Variants in SMPDL3A observed in about 807,000 individuals in gnomAD.
SMPDL3A encodes cyclic GMP-AMP phosphodiesterase SMPDL3A.
A neutral mutation model predicts 38.5 loss-of-function variants in SMPDL3A; 39 were observed. That is an observed-to-expected ratio of 1.01 (90% CI 0.78 to 1.32). The LOEUF (loss-of-function observed/expected upper bound fraction) is 1.32, where lower values mean the gene tolerates loss of function less well. Among genes scored for constraint, SMPDL3A ranks in the 40% most tolerant of loss-of-function variants. The pLI, the probability that SMPDL3A is intolerant of heterozygous loss-of-function variation, is 0.00. For synonymous variants in SMPDL3A, 180 were observed against 194.3 expected (o/e 0.93, Z 0.61); for missense variants, 502 against 536.2 (o/e 0.94, Z 0.63).
Position 122,809,119 on chromosome 6 carries a change from CAG to C in SMPDL3A, c.1076_1077del (p.Glu359GlyfsTer22), listed in dbSNP as rs1257835437. The C allele has an allele frequency of 1.2e-6, 2 of 1,613,926 alleles. No individual in the cohort carries two copies. The highest frequency in any genetic ancestry group is 3.3e-5 in the Admixed American group (2 of 59,996). On this transcript the variant is annotated frameshift_variant, in exon 8 of 8. Transcript: ENST00000368440. LOFTEE classifies it low-confidence loss of function (END_TRUNC). ...ATGTTGCAGTATTACTTGAATCTGA[CAG>C]AGGCGAATCTAAAGGGAGAGTCCAT...
intron 1 of SMPDL3A, 132 bp downstream of exon 1, chr6:122,789,590 G>A: frequency 1.1e-6 from 1 of 887,082 alleles, no homozygotes; most frequent in Non-Finnish European, 1.7e-6. Flanking sequence ...CCCCTGACGC[G>A]TCCGGCGTTG....
chr6:122,789,553 C>A, intron 1 of SMPDL3A, 95 bp downstream of exon 1: 2 of 1,149,502 alleles, frequency 1.7e-6, no homozygotes, highest in Admixed American at 2.2e-5. Context: ...GGGCAGCTGC[C>A]CCCGGCAGAG....
intron 4 of SMPDL3A, 142 bp downstream of exon 4, chr6:122,801,548 G>A (rs1781430331): frequency 1.6e-6 from 1 of 639,560 alleles, no homozygotes; most frequent in South Asian, 1.9e-5. Flanking sequence ...TAGTAATGCT[G>A]CCTGTGACAC....
chr6:122,809,550 C>G lies in SMPDL3A; in HGVS notation c.*142C>G. 1 of 608,098 alleles carries G rather than the reference C, an allele frequency of 1.6e-6. No homozygotes were observed. Among genetic ancestry groups the G allele is most frequent in the Non-Finnish European group, 2.9e-6 (1 of 346,778 alleles). 37.7% of individuals were successfully genotyped at this position (608,098 alleles called of 1,614,324 possible). On this transcript the variant is annotated 3_prime_UTR_variant, in exon 8 of 8. Coordinates refer to ENST00000368440, the MANE Select transcript of SMPDL3A (RefSeq NM_006714.5). ...TTTCTTTTTTTTTTTCTTTTTGATGCCTTAATGTAGATATCTTTATCATTC... is the reference window on the plus strand; with the variant it reads ...TTTCTTTTTTTTTTTCTTTTTGATGGCTTAATGTAGATATCTTTATCATTC...
chr6:122,806,447 T>A, intron 7 of SMPDL3A, 90 bp downstream of exon 7: 1 of 1,304,182 alleles, frequency 7.7e-7, no homozygotes, highest in Non-Finnish European at 1.1e-6. Flanking sequence ...AGGACAGTCA[T>A]GTGAGATGTA....
At chr6:122,799,393 C>T (rs1175267270) in intron 3 of SMPDL3A, among the ~76,000 whole-genome samples, 5 of 152,198 alleles carry the variant, frequency 3.3e-5, no homozygotes, top group Non-Finnish European at 1.5e-5. Context: ...CTGAGACTGA[C>T]ACCTATCCCT....
intron 4 of SMPDL3A, among the ~76,000 whole-genome samples, chr6:122,802,984 T>C (rs1781475638): frequency 1.3e-5 from 2 of 152,196 alleles, no homozygotes; most frequent in Admixed American, 6.5e-5. Context: ...TAAGGTGTTG[T>C]GACTACAAGA....
At chr6:122,802,195 C>CTTTTTTTTTTTTTTTTTTT (rs3031702) in intron 4 of SMPDL3A, among the ~76,000 whole-genome samples, 1 of 123,562 alleles carries the variant, frequency 8.1e-6, no homozygotes, top group Non-Finnish European at 1.7e-5. Context: ...TATATCTAGT[C>CTTTTTTTTTTTTTTTTTTT]TTTTTTTTTT....
At chr6:122,794,220 T>C (rs1456037042) in intron 1 of SMPDL3A, among the ~76,000 whole-genome samples, 2 of 152,210 alleles carry the variant, frequency 1.3e-5, no homozygotes, top group Non-Finnish European at 2.9e-5. Flanking sequence ...TTTAAATTGC[T>C]TATCACAGTG....
intron 3 of SMPDL3A, among the ~76,000 whole-genome samples, chr6:122,800,156 T>C (rs1194937452): frequency 6.6e-6 from 1 of 151,962 alleles, no homozygotes; most frequent in Admixed American, 6.6e-5. Flanking sequence ...TTTCTTAAAG[T>C]TTTGTTTGTT....
At chr6:122,795,472 A>G (rs1332154238) in intron 1 of SMPDL3A, among the ~76,000 whole-genome samples, 1 of 152,162 alleles carries the variant, frequency 6.6e-6, no homozygotes, top group Non-Finnish European at 1.5e-5. Flanking sequence ...ACACTTAAGT[A>G]GTAAATTGTT....
chr6:122,798,875 A>AT (rs548764287), intron 3 of SMPDL3A, among the ~76,000 whole-genome samples: 1 of 151,720 alleles, frequency 6.6e-6, no homozygotes, highest in Non-Finnish European at 1.5e-5. Flanking sequence ...TTAACAGTTA[A>AT]TTTTTTTTCT....
intron 3 of SMPDL3A, among the ~76,000 whole-genome samples, chr6:122,799,508 C>G (rs565382771): frequency 6.6e-6 from 1 of 152,288 alleles, no homozygotes; most frequent in East Asian, 1.9e-4. Context: ...ATCACCACAC[C>G]ATACTTGGCA....
Position 122,806,366 on chromosome 6 carries a change from G to A in SMPDL3A, c.1044+9G>A. On this transcript the variant is annotated intron_variant, in intron 7 of 7. Coordinates refer to ENST00000368440, the MANE Select transcript of SMPDL3A (RefSeq NM_006714.5). ...GTGATTATAAATTATTGGTAAGTTG[G>A]CAGATTTCAGAGCTGACCCCATATT... 1 of 1,597,360 alleles carries A rather than the reference G, an allele frequency of 6.3e-7. No individual in the cohort carries two copies. The highest frequency in any genetic ancestry group is 8.5e-7 in the Non-Finnish European group (1 of 1,170,116).
At chr6:122,802,390 T>A (rs1311753592) in intron 4 of SMPDL3A, among the ~76,000 whole-genome samples, 3 of 151,882 alleles carry the variant, frequency 2.0e-5, no homozygotes, top group Non-Finnish European at 4.4e-5. Context: ...TTAGTAGAGA[T>A]AGGGTTTCAC....
Position 122,809,348 on chromosome 6 carries a change from T to C in SMPDL3A, c.1302T>C (p.Asn434=), listed in dbSNP as rs1424266044. ...CKAFQICAIM[N]LDNISYADCL... ...CCTTTCAGATTTGTGCAATTATGAA[T>C]CTTGATAATATTTCCTATGCAGATT... Residue 434 remains asparagine, a synonymous_variant, in exon 8 of 8, where the codon AAT becomes AAC. Transcript: ENST00000368440. The C allele has an allele frequency of 3.1e-6, 5 of 1,613,976 alleles. No homozygotes were observed. The highest frequency in any genetic ancestry group is 4.2e-6 in the Non-Finnish European group (5 of 1,179,874).
At chr6:122,790,043 G>A (rs1027068825) in intron 1 of SMPDL3A, 4 of 172,922 alleles carry the variant, frequency 2.3e-5, no homozygotes, top group South Asian at 1.9e-4. Flanking sequence ...TGGAACTCAC[G>A]GGGACTTCAT....
chr6:122,790,289 A>AT (rs1781035812), intron 1 of SMPDL3A, among the ~76,000 whole-genome samples: 2 of 152,186 alleles, frequency 1.3e-5, no homozygotes, highest in African/African-American at 4.8e-5. Flanking sequence ...CCTCCGCATG[A>AT]TTCCTTTCGG....
chr6:122,790,595 A>G (rs1428215992), intron 1 of SMPDL3A, among the ~76,000 whole-genome samples: 2 of 152,176 alleles, frequency 1.3e-5, no homozygotes, highest in Non-Finnish European at 2.9e-5. Context: ...TTTGAAGGCC[A>G]AGTCCTCACG....
Sources: allele counts gnomAD v4.1 joint callset (sites outside exome capture counted in the v4.1 genomes callset), GRCh38; gene constraint gnomAD v4.1.1; transcripts MANE v1.5; gene names NCBI Gene and HGNC (gene_info 2026-07-23, HGNC 2026-07-21).